RPSA2: variants seen among roughly 807,000 people sequenced by gnomAD.
RPSA2 encodes the protein small ribosomal subunit protein uS2B.
chr19:23,828,000 C>A, the RPSA2 span: 16 of 803,416 alleles, frequency 2.0e-5, no homozygotes, highest in African/African-American at 2.5e-4. Flanking sequence ...TCTGCAGCTC[C>A]CACTGCTCAG....
the RPSA2 span, among the ~76,000 whole-genome samples, chr19:23,791,133 G>T: frequency 6.6e-5 from 10 of 152,178 alleles, no homozygotes; most frequent in Admixed American, 2.6e-4. Flanking sequence ...CACAATGAAA[G>T]TATTAAATAA....
chr19:23,819,501 C>A, the RPSA2 span: 1 of 152,188 alleles, frequency 6.6e-6, no homozygotes, highest in Non-Finnish European at 1.5e-5. Context: ...CATATGGGTC[C>A]CAGTGTTGTT....
chr19:23,831,101 C>T, the RPSA2 span, among the ~76,000 whole-genome samples: 1 of 151,990 alleles, frequency 6.6e-6, no homozygotes, highest in African/African-American at 2.4e-5. Flanking sequence ...GTCTGCTGCT[C>T]TACCACTTTT....
chr19:23,858,710 G>A, the RPSA2 span, among the ~76,000 whole-genome samples: 1,820 of 152,286 alleles, frequency 0.012, 40 homozygotes, highest in African/African-American at 0.04. Context: ...TGTGGACTGC[G>A]CATGTTCAAA....
the RPSA2 span, chr19:23,832,390 A>C: frequency 2.0e-6 from 1 of 504,078 alleles, no homozygotes; most frequent in Non-Finnish European, 4.1e-6. Flanking sequence ...GAAACCCTAC[A>C]AATGTGAAGA....
chr19:23,811,632 C>A, the RPSA2 span, among the ~76,000 whole-genome samples: 1 of 151,930 alleles, frequency 6.6e-6, no homozygotes, highest in African/African-American at 2.4e-5. Context: ...CTAGAATTTA[C>A]GTGTTGTGCC....
At chr19:23,835,965 G>A in the RPSA2 span, among the ~76,000 whole-genome samples, 10 of 152,224 alleles carry the variant, frequency 6.6e-5, no homozygotes, top group African/African-American at 1.4e-4. Flanking sequence ...TTCATTATGT[G>A]AACTGGTCTG....
chr19:23,854,282 A>AC, the RPSA2 span, among the ~76,000 whole-genome samples: 1 of 152,244 alleles, frequency 6.6e-6, no homozygotes, highest in East Asian at 1.9e-4. Flanking sequence ...AGGGCCAGTG[A>AC]CCCCCGTGGG....
the RPSA2 span, among the ~76,000 whole-genome samples, chr19:23,790,446 T>G: frequency 1.3e-5 from 2 of 152,148 alleles, no homozygotes; most frequent in Non-Finnish European, 2.9e-5. Context: ...AAGTCCTCCC[T>G]GAAAAGGCTG....
the RPSA2 span, among the ~76,000 whole-genome samples, chr19:23,803,096 T>TC: frequency 1.3e-4 from 1 of 7,424 alleles, no homozygotes; most frequent in Non-Finnish European, 2.3e-4. Flanking sequence ...TGAGATTTAA[T>TC]TTTTTTTTTT....
At chr19:23,847,465 C>A in the RPSA2 span, among the ~76,000 whole-genome samples, 1 of 152,042 alleles carries the variant, frequency 6.6e-6, no homozygotes, top group Non-Finnish European at 1.5e-5. Context: ...ATCGGTAGGA[C>A]CATGATGCCC....
the RPSA2 span, chr19:23,833,342 A>G: frequency 2.9e-6 from 1 of 350,462 alleles, no homozygotes; most frequent in Non-Finnish European, 4.2e-6. Flanking sequence ...AAAGTCCTCA[A>G]TTCTTTACAG....
At chr19:23,806,852 C>T in the RPSA2 span, among the ~76,000 whole-genome samples, 1 of 149,224 alleles carries the variant, frequency 6.7e-6, no homozygotes, top group Admixed American at 6.7e-5. Context: ...AGAGAGACTA[C>T]TTAAAGTCAC....
At chr19:23,859,872 C>T in the RPSA2 span, among the ~76,000 whole-genome samples, 2 of 152,128 alleles carry the variant, frequency 1.3e-5, no homozygotes, top group African/African-American at 4.8e-5. Context: ...TAGTAAAACC[C>T]TGTTAGGGAA....
the RPSA2 span, among the ~76,000 whole-genome samples, chr19:23,815,742 G>T: frequency 6.6e-6 from 1 of 151,986 alleles, no homozygotes; most frequent in Admixed American, 6.6e-5. Context: ...ATTAAAAATG[G>T]GGTATTGATG....
chr19:23,796,420 ATT>A, the RPSA2 span, among the ~76,000 whole-genome samples: 4 of 147,234 alleles, frequency 2.7e-5, no homozygotes, highest in African/African-American at 9.9e-5. Flanking sequence ...TATTGGCCTG[ATT>A]TTTTTTTTTT....
At chr19:23,766,514 C>A in the RPSA2 span, among the ~76,000 whole-genome samples, 2 of 144,402 alleles carry the variant, frequency 1.4e-5, no homozygotes, top group Admixed American at 7.0e-5. Context: ...GGCAGTGGCG[C>A]GATCTCCCCG....
the RPSA2 span, among the ~76,000 whole-genome samples, chr19:23,770,410 G>A: frequency 1.3e-5 from 2 of 151,946 alleles, no homozygotes; most frequent in African/African-American, 4.8e-5. Context: ...GCCCATGGAA[G>A]TATTATGACA....
chr19:23,774,997 A>G, the RPSA2 span, among the ~76,000 whole-genome samples: 2 of 152,178 alleles, frequency 1.3e-5, no homozygotes, highest in Admixed American at 6.5e-5. Context: ...TTACTCTCAT[A>G]TCAAAAATCA....
Sources: allele counts gnomAD v4.1 joint callset (sites outside exome capture counted in the v4.1 genomes callset), GRCh38; gene constraint gnomAD v4.1.1; transcripts MANE v1.5; gene names NCBI Gene and HGNC (gene_info 2026-07-23, HGNC 2026-07-21).